ABCC2: variants seen among roughly 807,000 people sequenced by gnomAD.
ABCC2 encodes ATP binding cassette subfamily C member 2, also known as ATP-binding cassette sub-family C member 2.
In ABCC2, 157 loss-of-function variants were observed where a neutral mutation model predicts 173.4. That is an observed-to-expected ratio of 0.91 (90% CI 0.80 to 1.03). The LOEUF (loss-of-function observed/expected upper bound fraction) is 1.03. Ranked by LOEUF, ABCC2 falls within the 50% of genes least tolerant of loss-of-function variation. ABCC2 has a pLI of 0.00. For missense variants in ABCC2, 1,822 were observed against 1,852.3 expected (o/e 0.98, Z 0.30); for synonymous variants, 657 against 693.5 (o/e 0.95, Z 0.83).
At chr10:99,841,689 G>A (rs1289209411) in intron 25 of ABCC2, among the ~76,000 whole-genome samples, 3 of 152,210 alleles carry the variant, frequency 2.0e-5, no homozygotes, top group East Asian at 3.8e-4. Flanking sequence ...TGCCCTAGGT[G>A]ATTCTTATGA....
Position 99,819,231 on chromosome 10 carries a change from C to G in ABCC2, c.2582C>G (p.Thr861Arg), listed in dbSNP as rs762946078. 6.2e-7 allele frequency: 1 copy of G among 1,614,048 alleles called. No homozygotes were observed. Among genetic ancestry groups the G allele is most frequent in the Non-Finnish European group, 8.5e-7 (1 of 1,180,018 alleles). ...KKGEFAKNLKTFLRHTGPEEE... is the reference protein window; with the variant it reads ...KKGEFAKNLKRFLRHTGPEEE... Reference sequence around the variant, plus strand: ...GGAGAGTTTGCTAAGAATCTGAAGACATTTCTAAGACATACAGGCCCTGAA... The same window carrying G: ...GGAGAGTTTGCTAAGAATCTGAAGAGATTTCTAAGACATACAGGCCCTGAA... Residue 861 changes from threonine (T) to arginine (R), a missense_variant, in exon 19 of 32, where the codon ACA becomes AGA. Coordinates refer to ENST00000647814, the MANE Select transcript of ABCC2 (RefSeq NM_000392.5).
chr10:99,841,003 A>T (rs1466827484), intron 25 of ABCC2, among the ~76,000 whole-genome samples: 2 of 152,140 alleles, frequency 1.3e-5, no homozygotes, highest in Non-Finnish European at 2.9e-5. Flanking sequence ...TCACAGTAAA[A>T]GTCCATTCTT....
At chr10:99,820,666 C>T (rs371341487) in intron 19 of ABCC2, among the ~76,000 whole-genome samples, 1 of 152,136 alleles carries the variant, frequency 6.6e-6, no homozygotes. Flanking sequence ...GAACAAAGAA[C>T]AGGATGGTGT....
intron 17 of ABCC2, 52 bp from the exon 18 acceptor site, chr10:99,818,738 G>A: frequency 6.2e-7 from 1 of 1,601,722 alleles, no homozygotes; most frequent in Non-Finnish European, 8.5e-7. Flanking sequence ...ATTAGATTCT[G>A]TGAAGGTGGA....
chr10:99,846,955 T>G lies in ABCC2; in HGVS notation c.4147-6T>G. 1 of 1,614,136 alleles carries G rather than the reference T, an allele frequency of 6.2e-7. No individual in the cohort carries two copies. Among genetic ancestry groups the G allele is most frequent in the Non-Finnish European group, 8.5e-7 (1 of 1,179,998 alleles). On this transcript the variant is annotated splice_region_variant and splice_polypyrimidine_tract_variant and intron_variant, in intron 29 of 31. Coordinates refer to ENST00000647814, the MANE Select transcript of ABCC2 (RefSeq NM_000392.5). ...CCCAACAGCCCCCTTGTCCTTTCACTTGCAGGACCCCATCCTGTTCTCTGG... is the reference window on the plus strand; with the variant it reads ...CCCAACAGCCCCCTTGTCCTTTCACGTGCAGGACCCCATCCTGTTCTCTGG...
intron 6 of ABCC2, among the ~76,000 whole-genome samples, chr10:99,796,766 T>C (rs1225082549): frequency 6.6e-6 from 1 of 152,168 alleles, no homozygotes; most frequent in Non-Finnish European, 1.5e-5. Flanking sequence ...GGCTGCTTTA[T>C]TTCTTGAGGG....
chr10:99,851,011 CA>C (rs2039081389), intron 31 of ABCC2, among the ~76,000 whole-genome samples: 1 of 152,128 alleles, frequency 6.6e-6, no homozygotes, highest in Non-Finnish European at 1.5e-5. Context: ...ATCTTGAGGG[CA>C]AAATAGGAAA....
rs1406347025 is a variant in ABCC2 at position 99,799,087 on chromosome 10, G to A, written c.868-120G>A. ...GAAGGGCAGAAGCAACTAGGCCAGG[G>A]AGAGATGATCAAAACCTGTACAGAG... On this transcript the variant is annotated intron_variant, in intron 7 of 31. Transcript: ENST00000647814. 1.7e-5 allele frequency: 18 copies of A among 1,076,808 alleles called. No homozygotes were observed. The East Asian group carries it at 3.8e-4, about 23-fold the overall frequency. The allele number at this position is 1,076,808 out of a possible 1,614,324, so 66.7% of individuals were successfully genotyped here.
chr10:99,787,359 T>A (rs10786571), intron 2 of ABCC2, among the ~76,000 whole-genome samples: 1 of 151,948 alleles, frequency 6.6e-6, no homozygotes, highest in Non-Finnish European at 1.5e-5. Context: ...TATAATATGG[T>A]TCTTTTTTGA....
chr10:99,799,380 C>T lies in ABCC2; in HGVS notation c.1031+10C>T. ...GTCCTCAGCTGCTGAAGTGAGTCTC[C>T]AGGCCTCAGATGGTCCTTTCAGGGC... is the stretch of plus-strand genomic sequence containing the variant. On this transcript the variant is annotated intron_variant, in intron 8 of 31. Transcript: ENST00000647814. 3.1e-6 allele frequency: 5 copies of T among 1,614,018 alleles called. No homozygotes were observed. In the South Asian group the frequency reaches 4.4e-5, roughly 14 times the overall value.
At chr10:99,820,607 G>A (rs917170105) in intron 19 of ABCC2, among the ~76,000 whole-genome samples, 5 of 152,136 alleles carry the variant, frequency 3.3e-5, no homozygotes, top group African/African-American at 4.8e-5. Context: ...AAAAAAGACA[G>A]AAGAAAAATC....
chr10:99,830,345 C>T lies in ABCC2; in HGVS notation c.2659C>T (p.Leu887=). 6.2e-7 allele frequency: 1 copy of T among 1,614,164 alleles called. No individual in the cohort carries two copies. The highest frequency in any genetic ancestry group is 8.5e-7 in the Non-Finnish European group (1 of 1,180,012). The change falls in exon 20 of 32, where the codon CTG becomes TTG. Residue 887 remains leucine (L), a synonymous_variant. Coordinates refer to ENST00000647814, the MANE Select transcript of ABCC2 (RefSeq NM_000392.5). The stretch of plus-strand genomic sequence containing the variant: ...TGAAGAAGAAGACGATGACTATGGG[C>T]TGATATCCAGTGTGGAAGAGATCCC... ...GSEEEDDDYG[L]ISSVEEIPED...
chr10:99,794,432 C>T lies in ABCC2; in HGVS notation c.596C>T (p.Ser199Leu). Residue 199 changes from serine (S) to leucine (L), a missense_variant, in exon 6 of 32, where the codon TCA becomes TTA. Physicochemically the swap from Ser to Leu is moderately radical, Grantham distance 145. Transcript: ENST00000647814. ...TTTCAGAATCCATCATCCATAGCTT[C>T]ATTCCTGAGTAGCATTACCTACAGC... ...ESSNNPSSIA[S>L]FLSSITYSWY... 6.2e-7 allele frequency: 1 copy of T among 1,614,068 alleles called. No individual in the cohort carries two copies. The highest frequency in any genetic ancestry group is 8.5e-7 in the Non-Finnish European group (1 of 1,179,950).
chr10:99,843,026 C>T (rs2038969126), intron 26 of ABCC2, among the ~76,000 whole-genome samples: 1 of 150,828 alleles, frequency 6.6e-6, no homozygotes, highest in South Asian at 2.1e-4. Context: ...GCACTCCAGC[C>T]TGGGCAACAG....
intron 25 of ABCC2, among the ~76,000 whole-genome samples, chr10:99,838,338 C>CT (rs1194444774): frequency 3.5e-5 from 4 of 113,686 alleles, no homozygotes; most frequent in African/African-American, 1.4e-4. Context: ...GGCCGACCCC[C>CT]CCCACCTCCC....
Position 99,847,042 on chromosome 10 carries a change from T to C in ABCC2, c.4228T>C (p.Leu1410=), listed in dbSNP as rs2133152280. The C allele has an allele frequency of 6.2e-7, 1 of 1,614,238 alleles. No individual in the cohort carries two copies. ...CTCAGATGAGGAGATTTGGAAGGCC[T>C]TGGAGCTGGCTCACCTCAAGTCTTT... ...NYSDEEIWKA[L]ELAHLKSFVA... The change falls in exon 30 of 32, where the codon TTG becomes CTG. Residue 1410 remains leucine, a synonymous_variant. Coordinates refer to ENST00000647814, the MANE Select transcript of ABCC2 (RefSeq NM_000392.5).
chr10:99,832,187 T>C lies in ABCC2; in HGVS notation c.3258+56T>C, dbSNP rs4148396. 0.62 allele frequency: 996,570 copies of C among 1,606,194 alleles called. 310,794 individuals carry two copies. The highest frequency in any genetic ancestry group is 0.78 in the East Asian group (34,772 of 44,824). ...GTTTATATACTGAGGATCTTTCTGATAGGGAGGAATTATTATGTCCCCCTA... is the reference window on the plus strand; with the variant it reads ...GTTTATATACTGAGGATCTTTCTGACAGGGAGGAATTATTATGTCCCCCTA... On this transcript the variant is annotated intron_variant, in intron 23 of 31. Transcript: ENST00000647814.
Position 99,834,404 on chromosome 10 carries a change from C to T in ABCC2, c.3283C>T (p.Leu1095=). 1 of 1,614,176 alleles carries T rather than the reference C, an allele frequency of 6.2e-7. No homozygotes were observed. The highest frequency in any genetic ancestry group is 1.1e-5 in the South Asian group (1 of 91,080). ...AGDISTVDDT[L]PQSLRSWITC... ...GGATATTTCCACAGTGGATGACACC[C>T]TGCCTCAGTCCTTGCGCAGCTGGAT... Residue 1095 remains leucine (L), a synonymous_variant, in exon 24 of 32, where the codon CTG becomes TTG. Transcript: ENST00000647814.
intron 20 of ABCC2, 122 bp downstream of exon 20, chr10:99,830,555 G>T: frequency 6.4e-7 from 1 of 1,570,040 alleles, no homozygotes; most frequent in East Asian, 2.2e-5. Context: ...CTCTTCCTTT[G>T]TTTCTTTGTT....
Sources: gnomAD v4.1 joint callset for allele counts (sites outside exome capture counted in the v4.1 genomes callset) on GRCh38, gnomAD v4.1.1 for gene constraint, MANE v1.5 for transcripts, NCBI Gene and HGNC (gene_info 2026-07-23, HGNC 2026-07-21) for gene names.